The following CERT1 variants were observed in gnomAD, a reference collection of about 807,000 sequenced individuals.
CERT1 encodes ceramide transfer protein.
CERT1 carries 31 observed loss-of-function variants against 87.9 expected under a neutral mutation model. The ratio of observed to expected loss-of-function variants is 0.35; its 90% CI spans 0.27 to 0.48. The LOEUF (loss-of-function observed/expected upper bound fraction) is 0.48. Among genes scored for constraint, CERT1 ranks in the 20% least tolerant of loss-of-function variants. CERT1 has a pLI of 0.99. For missense variants in CERT1, 487 were observed against 758.0 expected (o/e 0.64, Z 4.20); for synonymous variants, 289 against 250.9 (o/e 1.15, Z -1.44).
chr5:75,438,423 G>C (rs1580771714), intron 3 of CERT1, among the ~76,000 whole-genome samples: 1 of 152,142 alleles, frequency 6.6e-6, no homozygotes, highest in African/African-American at 2.4e-5. Flanking sequence ...GGATGAAAAT[G>C]AGAAGAAATT....
At chr5:75,387,070 T>C (rs752069540) in intron 12 of CERT1, among the ~76,000 whole-genome samples, 1 of 152,072 alleles carries the variant, frequency 6.6e-6, no homozygotes, top group Non-Finnish European at 1.5e-5. Flanking sequence ...GGTTTCACCA[T>C]GTTGGCCAAG....
intron 11 of CERT1, among the ~76,000 whole-genome samples, chr5:75,394,012 A>AG (rs1762144550): frequency 6.6e-6 from 1 of 152,128 alleles, no homozygotes; most frequent in South Asian, 2.1e-4. Flanking sequence ...AAAACCATAG[A>AG]GGGGGCTTGT....
chr5:75,508,781 C>T (rs147198812), intron 1 of CERT1, among the ~76,000 whole-genome samples: 2 of 152,156 alleles, frequency 1.3e-5, no homozygotes, highest in African/African-American at 4.8e-5. Context: ...TAAGAAAAGG[C>T]TTTATGGAAA....
chr5:75,488,460 A>C (rs1356703249), intron 2 of CERT1, among the ~76,000 whole-genome samples: 1 of 152,128 alleles, frequency 6.6e-6, no homozygotes, highest in Non-Finnish European at 1.5e-5. Context: ...TTTATCACTA[A>C]AAAGTGTGAA....
chr5:75,454,673 G>C lies in CERT1; in HGVS notation c.348+4392C>G, dbSNP rs189677247. ...TCTGAAGTTGACAACGACCAACTAA[G>C]ACCAATCATGGAAGCTGATCCTCTT... On this transcript the variant is annotated intron_variant, in intron 3 of 16. Transcript: ENST00000643780. Among the ~76,000 whole-genome samples the C allele has an allele frequency of 3.4e-3, 518 of 152,282 alleles. 2 individuals are homozygous for C. Among genetic ancestry groups the C allele is most frequent in the Non-Finnish European group, 4.3e-3 (293 of 68,026 alleles).
At chr5:75,434,766 T>C (rs979739011) in intron 3 of CERT1, among the ~76,000 whole-genome samples, 2 of 152,154 alleles carry the variant, frequency 1.3e-5, no homozygotes, top group Admixed American at 6.5e-5. Flanking sequence ...TTCTAGGTTT[T>C]GTAGTTTTTG....
chr5:75,509,093 T>C (rs550253775), intron 1 of CERT1, among the ~76,000 whole-genome samples: 23 of 152,178 alleles, frequency 1.5e-4, no homozygotes, highest in Non-Finnish European at 2.6e-4. Context: ...CAGATTACCA[T>C]ATGGAAAATA....
chr5:75,477,453 A>G (rs1766006530), intron 2 of CERT1, among the ~76,000 whole-genome samples: 1 of 152,058 alleles, frequency 6.6e-6, no homozygotes, highest in Non-Finnish European at 1.5e-5. Context: ...ATCCCAGCTC[A>G]TGAAAGACAT....
chr5:75,394,546 C>T (rs1762169663), intron 11 of CERT1, among the ~76,000 whole-genome samples: 1 of 151,862 alleles, frequency 6.6e-6, no homozygotes, highest in Non-Finnish European at 1.5e-5. Flanking sequence ...AGTGAGACCT[C>T]GTCTCTGCTA....
chr5:75,511,455 G>A lies in CERT1; in HGVS notation c.-248C>T. 6.5e-7 allele frequency: 1 copy of A among 1,532,076 alleles called. No homozygotes were observed. Among genetic ancestry groups the A allele is most frequent in the Admixed American group, 2.0e-5 (1 of 49,760 alleles). The allele number at this position is 1,532,076 out of a possible 1,614,324, so 94.9% of individuals were successfully genotyped here. Reference sequence around the variant, plus strand: ...CTTCCAGCCGTCAGCCGCCGCCGCCGTCGCCGTGACCCCTGCGTTGCGCCC... The same window carrying A: ...CTTCCAGCCGTCAGCCGCCGCCGCCATCGCCGTGACCCCTGCGTTGCGCCC... On this transcript the variant is annotated 5_prime_UTR_variant, in exon 1 of 17. The change creates a new upstream start codon in the 5' untranslated region. Coordinates refer to ENST00000643780, the MANE Select transcript of CERT1 (RefSeq NM_001379029.1).
At chr5:75,410,347 C>T (rs1246094765) in intron 8 of CERT1, among the ~76,000 whole-genome samples, 4 of 152,058 alleles carry the variant, frequency 2.6e-5, no homozygotes, top group Admixed American at 1.3e-4. Context: ...GGGTGGCTCA[C>T]GCCTGTAATG....
At chr5:75,490,913 T>G (rs758877207) in intron 2 of CERT1, among the ~76,000 whole-genome samples, 1 of 152,204 alleles carries the variant, frequency 6.6e-6, no homozygotes, top group African/African-American at 2.4e-5. Flanking sequence ...ATTTTTCCCC[T>G]GGTTTTCACC....
chr5:75,467,773 A>C (rs2112342665), intron 2 of CERT1, among the ~76,000 whole-genome samples: 1 of 152,344 alleles, frequency 6.6e-6, no homozygotes, highest in Admixed American at 6.5e-5. Context: ...ACAGATGCAC[A>C]GATGAGTATA....
At chr5:75,466,073 C>T (rs1765441850) in intron 2 of CERT1, among the ~76,000 whole-genome samples, 3 of 152,094 alleles carry the variant, frequency 2.0e-5, no homozygotes, top group Admixed American at 2.0e-4. Flanking sequence ...ACTTAACAAC[C>T]TATTATCTCT....
upstream of CERT1, chr5:75,511,669 C>A (rs1580883519): frequency 6.6e-7 from 1 of 1,521,258 alleles, no homozygotes; most frequent in Non-Finnish European, 8.8e-7. Flanking sequence ...CCTTCGTCCT[C>A]CCATTCTCCC....
intron 15 of CERT1, 149 bp from the exon 16 acceptor site, chr5:75,381,350 T>C (rs1451463571): frequency 1.2e-6 from 1 of 862,942 alleles, no homozygotes; most frequent in Non-Finnish European, 1.8e-6. Flanking sequence ...GACACCAGGA[T>C]TCCTCCCCAC....
chr5:75,389,931 G>T (rs540185895), intron 11 of CERT1, among the ~76,000 whole-genome samples: 1 of 152,244 alleles, frequency 6.6e-6, no homozygotes, highest in East Asian at 1.9e-4. Context: ...ACACATATTG[G>T]CCTAATGTGT....
chr5:75,459,139 C>T lies in CERT1; in HGVS notation c.274G>A (p.Asp92Asn). The T allele has an allele frequency of 6.2e-7, 1 of 1,612,748 alleles. No individual in the cohort carries two copies. Among genetic ancestry groups the T allele is most frequent in the Non-Finnish European group, 8.5e-7 (1 of 1,178,818 alleles). The change falls in exon 3 of 17, where the codon GAT (aspartate) becomes AAT (asparagine). Residue 92 changes from aspartate (D) to asparagine (N), a missense_variant. Transcript: ENST00000643780. ...DECRFDISVN[D>N]SVWYLRAQDP... ...TGAGCACGAAGATACCAAACACTAT[C>T]ATTTACACTAATATCAAATCGACAT...
chr5:75,435,848 A>G (rs1431853166), intron 3 of CERT1, among the ~76,000 whole-genome samples: 1 of 152,012 alleles, frequency 6.6e-6, no homozygotes, highest in Admixed American at 6.5e-5. Context: ...ACTGCTGGCA[A>G]AAGCACTCTG....
Sources: allele counts gnomAD v4.1 joint callset (sites outside exome capture counted in the v4.1 genomes callset), GRCh38; gene constraint gnomAD v4.1.1; transcripts MANE v1.5; gene names NCBI Gene and HGNC (gene_info 2026-07-23, HGNC 2026-07-21).